The following SGSM3 variants were observed in gnomAD, a reference collection of about 807,000 sequenced individuals.
SGSM3 encodes RUN and SH3 containing 3.
In SGSM3, 96 loss-of-function variants were observed where a neutral mutation model predicts 100.5. That is an observed-to-expected ratio of 0.96 (90% CI 0.81 to 1.13). The LOEUF is 1.13. SGSM3 is among the 50% of genes most tolerant of loss of function. The pLI, the probability that SGSM3 is intolerant of heterozygous loss-of-function variation, is 0.00. For synonymous variants in SGSM3, 483 were observed against 422.8 expected (o/e 1.14, Z -1.75); for missense variants, 1,001 against 1,015.8 (o/e 0.99, Z 0.20).
At position 40,407,041 on chromosome 22, in the gene SGSM3, A is replaced by G. The variant is rs1430136315; in HGVS notation, c.1210A>G (p.Arg404Gly). ...SQVVRRRTQRRKSTITALLFG... is the reference protein window; with the variant it reads ...SQVVRRRTQRGKSTITALLFG... ...GGTTGTTCGCCGCAGGACCCAGCGG[A>G]GGAAGTCCACCATCACTGCTCTGCT... Residue 404 changes from arginine (R) to glycine (G), a missense_variant, in exon 11 of 22, where the codon AGG becomes GGG. Transcript: ENST00000248929. The surrounding 1 kb of genome is among the most constrained non-coding windows in gnomAD (Gnocchi z 4.7). The G allele has an allele frequency of 2.5e-6, 4 of 1,586,948 alleles. No individual in the cohort carries two copies. Among genetic ancestry groups the G allele is most frequent in the Non-Finnish European group, 3.4e-6 (4 of 1,166,588 alleles).
At chr22:40,373,281 T>C (rs1312169506) in intron 1 of SGSM3, 1 of 152,260 alleles carries the variant, frequency 6.6e-6, no homozygotes, top group Non-Finnish European at 1.5e-5. Flanking sequence ...TAAAAATATA[T>C]GAAACTTTCC....
In SGSM3 at chr22:40,406,647, C is replaced by T; in HGVS notation, c.1170C>T (p.Leu390=). ...DQGQLLGAGT[L]TNLSQVVRRR... ...GCCAGCTCCTGGGGGCCGGCACCCT[C>T]ACCAACCTCTCTCAGGTGGCCCAGG... Residue 390 remains leucine (L), a synonymous_variant, in exon 10 of 22, where the codon CTC becomes CTT. Transcript: ENST00000248929. The T allele has an allele frequency of 6.2e-7, 1 of 1,607,580 alleles. No homozygotes were observed. Among genetic ancestry groups the T allele is most frequent in the Non-Finnish European group, 8.5e-7 (1 of 1,175,916 alleles).
Position 40,394,443 on chromosome 22 carries a change from C to T in SGSM3, c.-111-6253C>T, listed in dbSNP as rs1036011345. ...CGGGTGGATCACGAGGTCAGGAGTT[C>T]GAGACCAGCCTGGCCAACATAGTGA... On this transcript the variant is annotated intron_variant, in intron 1 of 21. Transcript: ENST00000248929. Among the ~76,000 whole-genome samples the T allele has an allele frequency of 2.6e-5, 4 of 152,098 alleles. No homozygotes were observed. In the South Asian group the frequency reaches 8.3e-4, roughly 32 times the overall value.
Position 40,404,358 on chromosome 22 carries a change from G to A in SGSM3, c.269G>A (p.Gly90Glu), listed in dbSNP as rs1569203118. Reference protein sequence around the residue: ...HLEFTHNHDVGDLTWDKIAVS... With the variant: ...HLEFTHNHDVEDLTWDKIAVS... The stretch of plus-strand genomic sequence containing the variant: ...GAGTTCACCCATAACCACGATGTGG[G>A]GGATCTCACCTGGGACAAGATTGCC... The change falls in exon 5 of 22, where the codon GGG (glycine) becomes GAG (glutamate). Residue 90 changes from glycine (G) to glutamate (E), a missense_variant. Physicochemically the swap from Gly to Glu is moderately conservative, Grantham distance 98 (BLOSUM62 -2). Transcript: ENST00000248929. 4 of 1,606,384 alleles carry A rather than the reference G, an allele frequency of 2.5e-6. No individual in the cohort carries two copies. The highest frequency in any genetic ancestry group is 2.7e-5 in the African/African-American group (2 of 74,826).
intron 1 of SGSM3, among the ~76,000 whole-genome samples, chr22:40,393,230 C>T (rs2049593385): frequency 6.6e-6 from 1 of 152,236 alleles, no homozygotes; most frequent in South Asian, 2.1e-4. Context: ...AATTCTCCCG[C>T]CTCGGCCTCC....
chr22:40,408,214 CA>C (rs1421752198), intron 15 of SGSM3, 62 bp from the exon 16 acceptor site: 1 of 1,607,158 alleles, frequency 6.2e-7, no homozygotes, highest in Non-Finnish European at 8.5e-7. Context: ...GCAGAGAGGA[CA>C]GAGGAGGGTG....
Position 40,407,786 on chromosome 22 carries a change from C to T in SGSM3, c.1525-3C>T, listed in dbSNP as rs1054381442. On this transcript the variant is annotated splice_region_variant and splice_polypyrimidine_tract_variant and intron_variant, in intron 13 of 21. Transcript: ENST00000248929. The surrounding 1 kb of genome is among the most constrained non-coding windows in gnomAD (Gnocchi z 4.7). ...GGTTCCTGCTGTTTTTCCTCCTGTG[C>T]AGATCGTGTCTCAGAAGGACGAGCA... 1 of 1,613,934 alleles carries T rather than the reference C, an allele frequency of 6.2e-7. No homozygotes were observed. The highest frequency in any genetic ancestry group is 1.1e-5 in the South Asian group (1 of 91,072).
At position 40,405,813 on chromosome 22, in the gene SGSM3, C is replaced by T. The variant is rs953566115; in HGVS notation, c.783C>T (p.Arg261=). ...LRHLIVQYLP[R]LDKLLQEHDI... ...ACCTCATTGTCCAGTACCTGCCTCG[C>T]CTGGACAAGCTGCTCCAGGAGCATG... is the stretch of plus-strand genomic sequence containing the variant. The change falls in exon 8 of 22, where the codon CGC becomes CGT. Residue 261 remains arginine (R), a synonymous_variant. Transcript: ENST00000248929. 3.7e-6 allele frequency: 6 copies of T among 1,612,910 alleles called. No homozygotes were observed. Among genetic ancestry groups the T allele is most frequent in the Non-Finnish European group, 5.1e-6 (6 of 1,179,522 alleles).
chr22:40,378,079 A>G (rs1309486007), intron 1 of SGSM3: 1 of 152,202 alleles, frequency 6.6e-6, no homozygotes, highest in Non-Finnish European at 1.5e-5. Flanking sequence ...AGATACATCC[A>G]CTAAATTGTT....
chr22:40,395,892 G>A (rs1051352199), intron 1 of SGSM3, among the ~76,000 whole-genome samples: 3 of 152,006 alleles, frequency 2.0e-5, no homozygotes, highest in Non-Finnish European at 4.4e-5. Context: ...TCCTCTGCAC[G>A]CCACACTTGC....
intron 4 of SGSM3, among the ~76,000 whole-genome samples, chr22:40,403,406 C>T (rs1185573377): frequency 6.6e-6 from 1 of 152,148 alleles, no homozygotes; most frequent in African/African-American, 2.4e-5. Context: ...CAGCTGCATC[C>T]CTGCAGGCCC....
In SGSM3 at chr22:40,408,821, C is replaced by A. The variant is rs190612662; in HGVS notation, c.1881C>A (p.Thr627=). 5.5e-5 allele frequency: 89 copies of A among 1,613,746 alleles called. No homozygotes were observed. In the African/African-American group the frequency reaches 6.9e-4, roughly 13 times the overall value. Residue 627 remains threonine, a synonymous_variant, in exon 18 of 22, where the codon ACC becomes ACA. Transcript: ENST00000248929. The stretch of plus-strand genomic sequence containing the variant: ...TGGATGAAGATGGCAAAGTCCTGAC[C>A]CCGGAGGAGCTGCTCTACCGGGTAA... ...FRLDEDGKVL[T]PEELLYRAVQ...
rs2051475061 is a variant in SGSM3 at position 40,406,179 on chromosome 22, T to C, written c.916T>C (p.Ser306Pro). 1 of 1,613,940 alleles carries C rather than the reference T, an allele frequency of 6.2e-7. No homozygotes were observed. The highest frequency in any genetic ancestry group is 1.7e-5 in the Admixed American group (1 of 59,994). Residue 306 changes from serine (S) to proline (P), a missense_variant, in exon 9 of 22, where the codon TCC (serine) becomes CCC (proline). Physicochemically the swap from Ser to Pro is moderately conservative, Grantham distance 74. Transcript: ENST00000248929. ...CTGGGACCTGTTTTTCTACGAGGGC[T>C]CCCGGGTGCTGTTCCAGCTCACGCT... ...RIWDLFFYEGSRVLFQLTLGM... is the reference protein window; with the variant it reads ...RIWDLFFYEGPRVLFQLTLGM...
Position 40,404,616 on chromosome 22 carries a change from C to A in SGSM3, c.426C>A (p.Arg142=). 2 of 1,613,692 alleles carry A rather than the reference C, an allele frequency of 1.2e-6. No homozygotes were observed. The highest frequency in any genetic ancestry group is 1.7e-6 in the Non-Finnish European group (2 of 1,179,868). ...AGAGGAACTCTGAGCTGTCCTACCG[C>A]GAGATTGTGAAGAACAGCTCCAACG... ...QKKRNSELSY[R]EIVKNSSNDE... is the part of the protein sequence containing the mutation. Residue 142 remains arginine, a synonymous_variant, in exon 6 of 22, where the codon CGC becomes CGA. Transcript: ENST00000248929.
intron 4 of SGSM3, among the ~76,000 whole-genome samples, chr22:40,403,757 TGGCTGCTGAGG>T (rs1203702118): frequency 6.6e-6 from 1 of 152,162 alleles, no homozygotes; most frequent in Non-Finnish European, 1.5e-5. Context: ...AGGGTCACTG[TGGCTGCTGAGG>T]GGAACAGCCT....
At chr22:40,377,447 C>G (rs1233206886) in intron 1 of SGSM3, among the ~76,000 whole-genome samples, 2 of 152,184 alleles carry the variant, frequency 1.3e-5, no homozygotes, top group African/African-American at 4.8e-5. Context: ...CCAATACATT[C>G]CTGTCTTTCA....
chr22:40,397,035 G>GCAGC (rs1433677267), intron 1 of SGSM3, among the ~76,000 whole-genome samples: 1 of 152,132 alleles, frequency 6.6e-6, no homozygotes, highest in African/African-American at 2.4e-5. Flanking sequence ...CAACAGGAGG[G>GCAGC]CAGCCACCCT....
chr22:40,405,375 C>A, intron 7 of SGSM3, 91 bp downstream of exon 7: 1 of 1,256,706 alleles, frequency 8.0e-7, no homozygotes, highest in South Asian at 1.7e-5. Context: ...GGCAGTAGCC[C>A]CAGGGCCTCC....
Position 40,410,127 on chromosome 22 carries a change from T to C in SGSM3, c.*368T>C. The C allele has an allele frequency of 8.8e-7, 1 of 1,137,220 alleles. No individual in the cohort carries two copies. Among genetic ancestry groups the C allele is most frequent in the Non-Finnish European group, 1.1e-6 (1 of 925,644 alleles). 70.4% of individuals were successfully genotyped at this position (1,137,220 alleles called of 1,614,324 possible). On this transcript the variant is annotated 3_prime_UTR_variant, in exon 22 of 22. Coordinates refer to ENST00000248929, the MANE Select transcript of SGSM3 (RefSeq NM_015705.6). Reference sequence around the variant, plus strand: ...TGAGAAAGCACCTACCTGTCTTCTGTGCAGCTAGGGCTGCAGAGCTGTATT... The same window carrying C: ...TGAGAAAGCACCTACCTGTCTTCTGCGCAGCTAGGGCTGCAGAGCTGTATT...
Sources: allele counts gnomAD v4.1 joint callset (sites outside exome capture counted in the v4.1 genomes callset), GRCh38; gene constraint gnomAD v4.1.1; non-coding constraint Gnocchi (gnomAD v3.1); transcripts MANE v1.5; gene names NCBI Gene and HGNC (gene_info 2026-07-23, HGNC 2026-07-21).